Variants in ATXN1 observed in about 807,000 individuals in gnomAD.
The protein encoded by ATXN1 is ataxin 1.
Under a neutral mutation model 56.4 loss-of-function variants are expected in ATXN1, and 8 were observed. The ratio of observed to expected loss-of-function variants is 0.14; its 90% CI spans 0.08 to 0.26. The LOEUF is 0.26. Ranked by LOEUF, ATXN1 falls within the 10% of genes least tolerant of loss-of-function variation. The pLI is 1.00. For missense variants in ATXN1, 987 were observed against 1,106.5 expected (o/e 0.89, Z 1.53); for synonymous variants, 514 against 494.6 (o/e 1.04, Z -0.52).
At chr6:16,554,281 T>C (rs1225145261) in intron 4 of ATXN1, among the ~76,000 whole-genome samples, 3 of 152,002 alleles carry the variant, frequency 2.0e-5, no homozygotes, top group Non-Finnish European at 2.9e-5. Flanking sequence ...CATCAAGAGG[T>C]TTTCCCTAAA....
intron 3 of ATXN1, among the ~76,000 whole-genome samples, chr6:16,629,673 T>C (rs1763470531): frequency 6.6e-6 from 1 of 152,074 alleles, no homozygotes; most frequent in African/African-American, 2.4e-5. Flanking sequence ...CCCTGCACTT[T>C]GGGAGGCTGA....
rs543921873 is a variant in ATXN1 at position 16,583,473 on chromosome 6, C to CG, written c.-361+2306dup. ...TGCGTTTCCTAAGAGCTGGGTGTGGCGGGGGGGTCTCTTCATCTACCTTCT... is the reference window on the plus strand; with the variant it reads ...TGCGTTTCCTAAGAGCTGGGTGTGGCGGGGGGGGTCTCTTCATCTACCTTCT... On this transcript the variant is annotated intron_variant, in intron 4 of 7. Transcript: ENST00000436367. Among the ~76,000 whole-genome samples, 178 of 152,062 alleles carry CG rather than the reference C, an allele frequency of 1.2e-3. 1 individual carries two copies. The highest frequency in any genetic ancestry group is 3.4e-3 in the African/African-American group (141 of 41,514).
intron 6 of ATXN1, among the ~76,000 whole-genome samples, chr6:16,476,812 C>T (rs376371267): frequency 2.6e-4 from 39 of 152,332 alleles, no homozygotes; most frequent in Admixed American, 6.5e-4. Flanking sequence ...CAGATCTTCA[C>T]TACCAGCCCT....
chr6:16,561,136 T>C (rs1263087597), intron 4 of ATXN1, among the ~76,000 whole-genome samples: 1 of 152,112 alleles, frequency 6.6e-6, no homozygotes, highest in Non-Finnish European at 1.5e-5. Context: ...AAAATTTCTC[T>C]GAATCCCTGA....
At chr6:16,513,582 T>C (rs1761122696) in intron 5 of ATXN1, among the ~76,000 whole-genome samples, 1 of 152,116 alleles carries the variant, frequency 6.6e-6, no homozygotes, top group African/African-American at 2.4e-5. Context: ...TACTCACAAA[T>C]CAATCTAACA....
chr6:16,742,702 G>A (rs1760383886), intron 2 of ATXN1, among the ~76,000 whole-genome samples: 1 of 152,198 alleles, frequency 6.6e-6, no homozygotes, highest in African/African-American at 2.4e-5. Flanking sequence ...TTACAACCCA[G>A]AGGAGATGGA....
At chr6:16,553,347 C>T (rs1220200903) in intron 4 of ATXN1, among the ~76,000 whole-genome samples, 3 of 152,146 alleles carry the variant, frequency 2.0e-5, no homozygotes, top group Non-Finnish European at 2.9e-5. Context: ...TGCTCCTGTC[C>T]GGGTTCAGGA....
In ATXN1 at chr6:16,690,251, G is replaced by A. The variant is rs564358476; in HGVS notation, c.-614-32350C>T. On this transcript the variant is annotated intron_variant, in intron 2 of 7. Coordinates refer to ENST00000436367, the MANE Select transcript of ATXN1 (RefSeq NM_001128164.2). ...AAAATACTGTTTTTGCTCTGATTGG[G>A]TAGCCTCAAAGAGGAGGAAGAGAGT... is the stretch of plus-strand genomic sequence containing the variant. Among the ~76,000 whole-genome samples, 82 of 151,988 alleles carry A rather than the reference G, an allele frequency of 5.4e-4. No individual in the cohort carries two copies. The South Asian group carries it at 0.016, about 30-fold the overall frequency.
intron 6 of ATXN1, among the ~76,000 whole-genome samples, chr6:16,480,454 C>T (rs777610503): frequency 1.1e-4 from 16 of 152,034 alleles, no homozygotes; most frequent in African/African-American, 2.2e-4. Context: ...GAAATTCCAG[C>T]GCTGACAACT....
chr6:16,740,641 T>C (rs1041574627), intron 2 of ATXN1, among the ~76,000 whole-genome samples: 1 of 152,212 alleles, frequency 6.6e-6, no homozygotes, highest in African/African-American at 2.4e-5. Context: ...ATTCTCTGTT[T>C]ATCCATCAAG....
At chr6:16,332,067 C>T (rs1206926964) in intron 6 of ATXN1, among the ~76,000 whole-genome samples, 2 of 152,230 alleles carry the variant, frequency 1.3e-5, no homozygotes, top group African/African-American at 4.8e-5. Context: ...ATCAAGGACA[C>T]AATGATTAAG....
At chr6:16,365,980 T>G (rs1761909997) in intron 6 of ATXN1, among the ~76,000 whole-genome samples, 1 of 152,206 alleles carries the variant, frequency 6.6e-6, no homozygotes, top group African/African-American at 2.4e-5. Context: ...TAAAATTTTT[T>G]TCTGCTTACT....
intron 6 of ATXN1, among the ~76,000 whole-genome samples, chr6:16,469,960 CA>C (rs5874559): frequency 0.86 from 119,195 of 138,894 alleles, 50,724 homozygotes; most frequent in East Asian, 0.95. Flanking sequence ...AACTCTGTCT[CA>C]AAAAAAAAAA....
At chr6:16,679,439 G>C (rs1758767218) in intron 2 of ATXN1, among the ~76,000 whole-genome samples, 1 of 152,170 alleles carries the variant, frequency 6.6e-6, no homozygotes, top group Admixed American at 6.5e-5. Context: ...AGGAAAAAAG[G>C]GAGAAAGGGG....
chr6:16,653,356 G>A (rs1223954154), intron 3 of ATXN1, among the ~76,000 whole-genome samples: 1 of 152,222 alleles, frequency 6.6e-6, no homozygotes, highest in Non-Finnish European at 1.5e-5. Flanking sequence ...CACTGTAGGT[G>A]CTTTGATGTG....
chr6:16,507,427 A>T (rs1485949967), intron 5 of ATXN1, among the ~76,000 whole-genome samples: 1 of 152,204 alleles, frequency 6.6e-6, no homozygotes. Flanking sequence ...TACGCCAGAC[A>T]AGTATTTTTC....
intron 2 of ATXN1, among the ~76,000 whole-genome samples, chr6:16,701,272 G>T (rs1270077540): frequency 2.0e-5 from 3 of 152,228 alleles, no homozygotes; most frequent in South Asian, 2.1e-4. Flanking sequence ...CCAGGGAATG[G>T]CGCTCAGGCG....
chr6:16,404,783 C>T lies in ATXN1; in HGVS notation c.-160-76313G>A, dbSNP rs544516739. ...ATGTCACTGTTCCCTCTTTAGTGGC[C>T]GGATCTCAGCCTGGGAGTCCGACTG... On this transcript the variant is annotated intron_variant, in intron 6 of 7. Coordinates refer to ENST00000436367, the MANE Select transcript of ATXN1 (RefSeq NM_001128164.2). Among the ~76,000 whole-genome samples, 8 of 152,056 alleles carry T rather than the reference C, an allele frequency of 5.3e-5. 1 individual carries two copies. In the East Asian group the frequency reaches 1.2e-3, roughly 22 times the overall value.
At chr6:16,503,894 G>A (rs1350223286) in intron 5 of ATXN1, among the ~76,000 whole-genome samples, 1 of 152,084 alleles carries the variant, frequency 6.6e-6, no homozygotes, top group Non-Finnish European at 1.5e-5. Flanking sequence ...GTGGCATTAA[G>A]TACGTTCACA....
Sources: allele counts gnomAD v4.1 joint callset (sites outside exome capture counted in the v4.1 genomes callset), GRCh38; gene constraint gnomAD v4.1.1; transcripts MANE v1.5; gene names NCBI Gene and HGNC (gene_info 2026-07-23, HGNC 2026-07-21).